DNAH14: variants seen among roughly 807,000 people sequenced by gnomAD.
DNAH14 encodes the protein axonemal beta dynein heavy chain 14.
DNAH14 carries 478 observed loss-of-function variants against 520.9 expected under a neutral mutation model. The ratio of observed to expected loss-of-function variants is 0.92; its 90% CI spans 0.85 to 0.99. The LOEUF (loss-of-function observed/expected upper bound fraction) is 0.99. Ranked by LOEUF, DNAH14 falls within the 50% of genes least tolerant of loss-of-function variation. DNAH14 has a pLI of 0.00. For missense variants in DNAH14, 4,831 were observed against 5,234.5 expected (o/e 0.92, Z 2.38); for synonymous variants, 1,581 against 1,757.2 (o/e 0.90, Z 2.51).
At position 224,967,541 on chromosome 1, in the gene DNAH14, T is replaced by G; in HGVS notation, c.609T>G (p.His203Gln). The change falls in exon 6 of 86, where the codon CAT becomes CAG. Residue 203 changes from histidine to glutamine, a missense_variant. By Grantham distance (24) the His-to-Gln change is conservative (BLOSUM62 0). Coordinates refer to ENST00000682510, the MANE Select transcript of DNAH14 (RefSeq NM_001367479.1). Reference protein sequence around the residue: ...LQVVSAHTAKHCKEFWVITAS... With the variant: ...LQVVSAHTAKQCKEFWVITAS... ...TAGTATCGGCTCATACTGCTAAACATTGCAAAGAATTTTGGGTTATTACTG... is the reference window on the plus strand; with the variant it reads ...TAGTATCGGCTCATACTGCTAAACAGTGCAAAGAATTTTGGGTTATTACTG... 1 of 1,604,564 alleles carries G rather than the reference T, an allele frequency of 6.2e-7. No homozygotes were observed. Among genetic ancestry groups the G allele is most frequent in the Non-Finnish European group, 8.5e-7 (1 of 1,176,410 alleles).
chr1:225,146,990 A>G, intron 30 of DNAH14, 114 bp from the exon 31 acceptor site: 1 of 778,692 alleles, frequency 1.3e-6, no homozygotes, highest in Non-Finnish European at 1.9e-6. Context: ...GGAAATGCAA[A>G]AGGCCTTTGC....
chr1:225,367,251 A>C (rs1233113769), intron 76 of DNAH14, among the ~76,000 whole-genome samples: 2 of 152,144 alleles, frequency 1.3e-5, no homozygotes, highest in Non-Finnish European at 2.9e-5. Flanking sequence ...GTCTCGCATC[A>C]TTTCCATTAT....
intron 61 of DNAH14, among the ~76,000 whole-genome samples, chr1:225,322,081 C>CTTTTTT (rs2094565139): frequency 6.0e-5 from 6 of 100,476 alleles, no homozygotes; most frequent in Non-Finnish European, 1.0e-4. Flanking sequence ...CTTTTTTTTT[C>CTTTTTT]TTTCTTTTTT....
At position 225,140,961 on chromosome 1, in the gene DNAH14, A is replaced by C; in HGVS notation, c.4448A>C (p.Asp1483Ala). 6.4e-7 allele frequency: 1 copy of C among 1,551,242 alleles called. No homozygotes were observed. The highest frequency in any genetic ancestry group is 2.4e-5 in the East Asian group (1 of 40,884). ...ALLILYVHCR[D>A]IVINLLLKNI... ...CTTATCCTTTATGTTCACTGCAGAG[A>C]TATAGTGATAAATTTACTACTTAAA... The change falls in exon 28 of 86, where the codon GAT (aspartate) becomes GCT (alanine). Residue 1483 changes from aspartate (D) to alanine (A), a missense_variant. Coordinates refer to ENST00000682510, the MANE Select transcript of DNAH14 (RefSeq NM_001367479.1).
intron 17 of DNAH14, among the ~76,000 whole-genome samples, chr1:225,072,341 G>T (rs1310136547): frequency 1.3e-5 from 2 of 152,046 alleles, no homozygotes; most frequent in Non-Finnish European, 2.9e-5. Context: ...ATTAATACTT[G>T]TGATTGCATT....
chr1:225,297,287 T>C (rs887052593), intron 55 of DNAH14, among the ~76,000 whole-genome samples: 3 of 152,158 alleles, frequency 2.0e-5, no homozygotes, highest in Admixed American at 6.5e-5. Flanking sequence ...TTTTGTTGAG[T>C]TGTCTATCTT....
intron 2 of DNAH14, chr1:224,953,061 T>A (rs554910931): frequency 7.9e-5 from 18 of 227,638 alleles, no homozygotes; most frequent in Non-Finnish European, 1.6e-4. Context: ...AACTGAGAAA[T>A]CCTAGGAAAG....
At chr1:224,937,916 C>T (rs1016522192) in intron 1 of DNAH14, among the ~76,000 whole-genome samples, 1 of 152,082 alleles carries the variant, frequency 6.6e-6, no homozygotes, top group Admixed American at 6.6e-5. Context: ...ACCAACTGAT[C>T]TTTGACAAAG....
chr1:225,030,086 A>G (rs552974242), intron 11 of DNAH14, among the ~76,000 whole-genome samples: 4 of 152,174 alleles, frequency 2.6e-5, no homozygotes, highest in African/African-American at 9.6e-5. Flanking sequence ...GAAATCAATA[A>G]CAGAAGAAAG....
Position 225,270,722 on chromosome 1 carries a change from A to T in DNAH14, c.7540-13A>T. Reference sequence around the variant, plus strand: ...ATACATTCAGTTACTCTTCCTTTTTATCCTTATCACAGAATATTCAAGATC... The same window carrying T: ...ATACATTCAGTTACTCTTCCTTTTTTTCCTTATCACAGAATATTCAAGATC... On this transcript the variant is annotated splice_polypyrimidine_tract_variant and intron_variant, in intron 49 of 85. Transcript: ENST00000682510. 1 of 1,549,212 alleles carries T rather than the reference A, an allele frequency of 6.5e-7. No individual in the cohort carries two copies.
At chr1:225,102,357 G>A (rs528442879) in intron 23 of DNAH14, among the ~76,000 whole-genome samples, 4 of 152,270 alleles carry the variant, frequency 2.6e-5, no homozygotes, top group Non-Finnish European at 5.9e-5. Flanking sequence ...ACATACGTGT[G>A]CATGTGTCTT....
chr1:225,354,568 C>T (rs1308981758), intron 73 of DNAH14, among the ~76,000 whole-genome samples: 3 of 151,864 alleles, frequency 2.0e-5, no homozygotes, highest in African/African-American at 7.3e-5. Context: ...CAATTATTTC[C>T]CTCATTTTAC....
At chr1:225,324,669 T>C in intron 63 of DNAH14, 68 bp from the exon 64 acceptor site, 1 of 1,330,396 alleles carries the variant, frequency 7.5e-7, no homozygotes, top group Middle Eastern at 1.8e-4. Flanking sequence ...GTCTTTCAAA[T>C]ATAAATGGCA....
At chr1:224,949,042 A>G (rs1211598397) in intron 1 of DNAH14, among the ~76,000 whole-genome samples, 1 of 152,080 alleles carries the variant, frequency 6.6e-6, no homozygotes, top group Admixed American at 6.6e-5. Context: ...GAAGTCCTTT[A>G]GGATAATTTT....
intron 10 of DNAH14, among the ~76,000 whole-genome samples, chr1:225,016,746 C>CT (rs1034128975): frequency 2.2e-4 from 33 of 148,998 alleles, no homozygotes; most frequent in South Asian, 6.4e-4. Context: ...TTTTTCTTTT[C>CT]TTTTTTTTTG....
intron 27 of DNAH14, among the ~76,000 whole-genome samples, chr1:225,132,802 T>TC (rs2078564492): frequency 6.6e-6 from 1 of 152,186 alleles, no homozygotes; most frequent in African/African-American, 2.4e-5. Context: ...CACACTATCT[T>TC]CCATGATGTT....
At chr1:225,316,486 CA>C (rs1462752483) in intron 60 of DNAH14, among the ~76,000 whole-genome samples, 1 of 152,152 alleles carries the variant, frequency 6.6e-6, no homozygotes, top group African/African-American at 2.4e-5. Context: ...GTGGTGTAGG[CA>C]CCTGAGGGAA....
At chr1:225,045,741 C>T (rs975231501) in intron 15 of DNAH14, among the ~76,000 whole-genome samples, 1 of 152,134 alleles carries the variant, frequency 6.6e-6, no homozygotes, top group African/African-American at 2.4e-5. Context: ...TACCTTTTCA[C>T]TGGTGCTGCT....
chr1:225,361,572 G>A (rs2095492153), intron 75 of DNAH14, among the ~76,000 whole-genome samples: 1 of 152,186 alleles, frequency 6.6e-6, no homozygotes, highest in African/African-American at 2.4e-5. Context: ...TTGTTTAAAT[G>A]AGAGTCTGTC....
Sources: gnomAD v4.1 joint callset for allele counts (sites outside exome capture counted in the v4.1 genomes callset) on GRCh38, gnomAD v4.1.1 for gene constraint, MANE v1.5 for transcripts, NCBI Gene and HGNC (gene_info 2026-07-23, HGNC 2026-07-21) for gene names.